WWP2: variants seen among roughly 807,000 people sequenced by gnomAD.
WWP2 encodes the protein NEDD4-like E3 ubiquitin-protein ligase WWP2.
A neutral mutation model predicts 121.0 loss-of-function variants in WWP2; 57 were observed. That is an observed-to-expected ratio of 0.47 (90% CI 0.38 to 0.59). The LOEUF is 0.59. Among genes scored for constraint, WWP2 ranks in the 20% least tolerant of loss-of-function variants. The probability of loss-of-function intolerance (pLI) is 0.00; values close to 1 mark genes in which losing one functional copy is unlikely to be tolerated. For synonymous variants in WWP2, 449 were observed against 441.3 expected (o/e 1.02, Z -0.22); for missense variants, 962 against 1,158.9 (o/e 0.83, Z 2.47).
At chr16:69,824,730 C>A (rs1329214490) in intron 4 of WWP2, among the ~76,000 whole-genome samples, 1 of 149,584 alleles carries the variant, frequency 6.7e-6, no homozygotes, top group Non-Finnish European at 1.5e-5. Flanking sequence ...AAGGGCAGAG[C>A]TTTGGGCCTA....
intron 7 of WWP2, among the ~76,000 whole-genome samples, chr16:69,881,120 A>G (rs1451525520): frequency 6.6e-6 from 1 of 152,194 alleles, no homozygotes; most frequent in East Asian, 1.9e-4. Context: ...AGGCCATGCA[A>G]CTGCCATCTT....
intron 8 of WWP2, among the ~76,000 whole-genome samples, chr16:69,903,339 G>C (rs945735750): frequency 6.6e-6 from 1 of 152,198 alleles, no homozygotes; most frequent in Admixed American, 6.5e-5. Context: ...GGAATTTGAA[G>C]CATTAGCCTA....
chr16:69,862,890 T>C (rs893100431), intron 6 of WWP2, among the ~76,000 whole-genome samples: 1 of 151,906 alleles, frequency 6.6e-6, no homozygotes, highest in Non-Finnish European at 1.5e-5. Flanking sequence ...TATACCTGGC[T>C]AATTTAAAAT....
intron 8 of WWP2, among the ~76,000 whole-genome samples, chr16:69,900,004 A>G (rs1043510618): frequency 1.4e-4 from 21 of 152,192 alleles, no homozygotes; most frequent in African/African-American, 4.6e-4. Context: ...AATACCCATT[A>G]TAGGAATAAC....
At chr16:69,813,226 G>C (rs899172253) in intron 4 of WWP2, among the ~76,000 whole-genome samples, 1 of 150,282 alleles carries the variant, frequency 6.7e-6, no homozygotes, top group Non-Finnish European at 1.5e-5. Context: ...GCAATGGCGC[G>C]ATCTTCGCTC....
At chr16:69,801,194 A>C (rs1411803721) in intron 4 of WWP2, among the ~76,000 whole-genome samples, 7 of 149,458 alleles carry the variant, frequency 4.7e-5, no homozygotes, top group Non-Finnish European at 8.9e-5. Flanking sequence ...AAAAAAAAAA[A>C]AAAGCAATTT....
At chr16:69,770,163 G>C (rs1324423435) in intron 1 of WWP2, among the ~76,000 whole-genome samples, 1 of 152,124 alleles carries the variant, frequency 6.6e-6, no homozygotes, top group Admixed American at 6.6e-5. Flanking sequence ...CACCTGGTCA[G>C]TGTCTTTTTG....
chr16:69,869,262 C>T (rs141767645), intron 6 of WWP2, among the ~76,000 whole-genome samples: 2 of 151,826 alleles, frequency 1.3e-5, no homozygotes, highest in East Asian at 3.9e-4. Context: ...TGAGTATTTC[C>T]ACAGTTCAGT....
chr16:69,869,875 C>G (rs574455467), intron 6 of WWP2, among the ~76,000 whole-genome samples: 1 of 152,224 alleles, frequency 6.6e-6, no homozygotes, highest in Non-Finnish European at 1.5e-5. Context: ...CCTCAACACA[C>G]TGGACCAAAG....
intron 2 of WWP2, among the ~76,000 whole-genome samples, chr16:69,789,188 G>C (rs767557415): frequency 6.6e-6 from 1 of 152,000 alleles, no homozygotes; most frequent in South Asian, 2.1e-4. Context: ...CTTCCAAGTA[G>C]CTGGGATTAC....
At chr16:69,916,862 GT>G (rs2058486566) in intron 9 of WWP2, among the ~76,000 whole-genome samples, 1 of 151,948 alleles carries the variant, frequency 6.6e-6, no homozygotes, top group Admixed American at 6.6e-5. Context: ...GAGGCCTTGA[GT>G]TTAAAAAAAA....
At chr16:69,920,738 A>G (rs987426176) in intron 10 of WWP2, among the ~76,000 whole-genome samples, 1 of 152,090 alleles carries the variant, frequency 6.6e-6, no homozygotes, top group East Asian at 1.9e-4. Flanking sequence ...AGTGACCTAT[A>G]ATAGTGCCAC....
intron 8 of WWP2, among the ~76,000 whole-genome samples, chr16:69,894,078 T>G (rs1477856904): frequency 6.6e-6 from 1 of 151,516 alleles, no homozygotes; most frequent in East Asian, 1.9e-4. Flanking sequence ...TTGCTGCATT[T>G]TTTTTTTTTT....
intron 8 of WWP2, among the ~76,000 whole-genome samples, chr16:69,907,418 A>G (rs1200296912): frequency 3.3e-5 from 5 of 152,252 alleles, no homozygotes; most frequent in Non-Finnish European, 7.3e-5. Context: ...AGCAAGCATT[A>G]CCGCAGAACT....
At chr16:69,838,842 G>A (rs758393272) in intron 4 of WWP2, 14 of 985,408 alleles carry the variant, frequency 1.4e-5, no homozygotes, top group Non-Finnish European at 1.7e-5. Context: ...GCAGGGAAGA[G>A]AGATTAAGGG....
Position 69,800,845 on chromosome 16 carries a change from G to A in WWP2, c.340+1550G>A, listed in dbSNP as rs960695811. 5.9e-5 allele frequency among the ~76,000 whole-genome samples: 9 copies of A among 151,394 alleles called. No individual in the cohort carries two copies. The South Asian group carries it at 6.3e-4, about 11-fold the overall frequency. On this transcript the variant is annotated intron_variant, in intron 4 of 23. Coordinates refer to ENST00000359154, the MANE Select transcript of WWP2 (RefSeq NM_001270454.2). ...CTCCCAAAGTGTTGGGATTACAGGCGTGAGCCACTGCACCCAGCCTGATAG... is the reference window on the plus strand; with the variant it reads ...CTCCCAAAGTGTTGGGATTACAGGCATGAGCCACTGCACCCAGCCTGATAG...
chr16:69,908,640 C>T (rs1183652888), intron 8 of WWP2, 121 bp from the exon 9 acceptor site: 31 of 1,529,906 alleles, frequency 2.0e-5, no homozygotes, highest in African/African-American at 4.1e-5. Flanking sequence ...GGGTCGGCCT[C>T]GCATGTCATC....
chr16:69,835,635 A>T (rs1020819427), intron 4 of WWP2, among the ~76,000 whole-genome samples: 7 of 151,862 alleles, frequency 4.6e-5, no homozygotes, highest in African/African-American at 1.4e-4. Flanking sequence ...GGCTGGGTGT[A>T]TTTTTTTTCC....
intron 8 of WWP2, among the ~76,000 whole-genome samples, chr16:69,893,225 G>A (rs2058056814): frequency 6.6e-6 from 1 of 152,104 alleles, no homozygotes; most frequent in Admixed American, 6.5e-5. Flanking sequence ...TCCTTCCTCT[G>A]TCACTCTTCT....
Sources: gnomAD v4.1 joint callset for allele counts (sites outside exome capture counted in the v4.1 genomes callset) on GRCh38, gnomAD v4.1.1 for gene constraint, MANE v1.5 for transcripts, NCBI Gene and HGNC (gene_info 2026-07-23, HGNC 2026-07-21) for gene names.